METTL25: variants seen among roughly 807,000 people sequenced by gnomAD.
The protein encoded by METTL25 is probable methyltransferase-like protein 25.
Under a neutral mutation model 71.6 loss-of-function variants are expected in METTL25, and 64 were observed. That is an observed-to-expected ratio of 0.89 (90% CI 0.73 to 1.10). METTL25 has a LOEUF of 1.10. METTL25 is among the 50% of genes least tolerant of loss of function. METTL25 has a pLI of 0.00. For synonymous variants in METTL25, 287 were observed against 250.3 expected, an observed-to-expected ratio of 1.15 and a Z score of -1.38; for missense variants, 807 against 707.0, an observed-to-expected ratio of 1.14 and a Z score of -1.60.
intron 1 of METTL25, among the ~76,000 whole-genome samples, chr12:82,373,366 A>G (rs1475727103): frequency 6.6e-6 from 1 of 152,152 alleles, no homozygotes; most frequent in Non-Finnish European, 1.5e-5. Flanking sequence ...AAAATTCAAG[A>G]TAGTCCCTCC....
chr12:82,441,690 T>C (rs1329135685), intron 8 of METTL25, among the ~76,000 whole-genome samples: 1 of 143,750 alleles, frequency 7.0e-6, no homozygotes, highest in Non-Finnish European at 1.5e-5. Flanking sequence ...GAACCACCAA[T>C]AGGCACAGAA....
intron 1 of METTL25, among the ~76,000 whole-genome samples, chr12:82,364,184 C>T (rs528379147): frequency 6.6e-6 from 1 of 152,306 alleles, no homozygotes; most frequent in Non-Finnish European, 1.5e-5. Context: ...TAAGAGGTCA[C>T]AGTCAAGAAG....
At chr12:82,373,594 G>A (rs1883499995) in intron 1 of METTL25, among the ~76,000 whole-genome samples, 1 of 152,198 alleles carries the variant, frequency 6.6e-6, no homozygotes, top group African/African-American at 2.4e-5. Context: ...CAGGAGGCAA[G>A]GGTCAGGATA....
intron 1 of METTL25, among the ~76,000 whole-genome samples, chr12:82,365,793 C>T (rs1002578703): frequency 2.8e-5 from 4 of 143,802 alleles, no homozygotes; most frequent in African/African-American, 9.9e-5. Flanking sequence ...TTAAGAATAT[C>T]TGGCCTCGGC....
chr12:82,380,462 T>C (rs1884331936), intron 1 of METTL25, among the ~76,000 whole-genome samples: 1 of 152,102 alleles, frequency 6.6e-6, no homozygotes, highest in Non-Finnish European at 1.5e-5. Flanking sequence ...GTTAAGTACA[T>C]AATTGTATGT....
At chr12:82,426,603 A>G (rs1302569529) in intron 5 of METTL25, among the ~76,000 whole-genome samples, 1 of 151,994 alleles carries the variant, frequency 6.6e-6, no homozygotes, top group Non-Finnish European at 1.5e-5. Context: ...ATGTGTTCTA[A>G]GGGAGACCGT....
intron 5 of METTL25, among the ~76,000 whole-genome samples, chr12:82,415,419 G>T (rs922337101): frequency 5.3e-5 from 8 of 152,026 alleles, no homozygotes; most frequent in African/African-American, 1.9e-4. Flanking sequence ...TGTAAATCGG[G>T]CTATATATAC....
intron 6 of METTL25, among the ~76,000 whole-genome samples, chr12:82,432,976 A>T (rs569094686): frequency 2.0e-5 from 3 of 151,586 alleles, no homozygotes; most frequent in African/African-American, 7.3e-5. Context: ...GAGCAATATC[A>T]TTAGCATATG....
At chr12:82,467,223 C>G (rs953132969) in intron 9 of METTL25, among the ~76,000 whole-genome samples, 5 of 151,602 alleles carry the variant, frequency 3.3e-5, no homozygotes, top group Non-Finnish European at 7.4e-5. Context: ...TGAATACTTA[C>G]TTCTGGCATT....
At position 82,467,008 on chromosome 12, in the gene METTL25, A is replaced by G. The variant is rs573620047; in HGVS notation, c.1573-9636A>G. ...TGATCTTGGCTCCCAAAGTGCTGAGATAACAGGTGTGGGCTACCACATCTG... is the reference window on the plus strand; with the variant it reads ...TGATCTTGGCTCCCAAAGTGCTGAGGTAACAGGTGTGGGCTACCACATCTG... On this transcript the variant is annotated intron_variant, in intron 9 of 11. Coordinates refer to ENST00000248306, the MANE Select transcript of METTL25 (RefSeq NM_032230.3). Among the ~76,000 whole-genome samples, 182 of 152,110 alleles carry G rather than the reference A, an allele frequency of 1.2e-3. 1 individual carries two copies. The Middle Eastern group carries it at 0.014, about 11-fold the overall frequency.
At chr12:82,426,947 T>C (rs1344826109) in intron 5 of METTL25, among the ~76,000 whole-genome samples, 1 of 151,974 alleles carries the variant, frequency 6.6e-6, no homozygotes. Context: ...AATCCCATCA[T>C]GCCTTTTATC....
chr12:82,441,147 C>G (rs1890293536), intron 8 of METTL25, among the ~76,000 whole-genome samples: 1 of 151,946 alleles, frequency 6.6e-6, no homozygotes, highest in Non-Finnish European at 1.5e-5. Context: ...CTAGAATAGT[C>G]CTGAAATGAG....
At chr12:82,379,886 G>A (rs190590570) in intron 1 of METTL25, among the ~76,000 whole-genome samples, 2 of 152,310 alleles carry the variant, frequency 1.3e-5, no homozygotes, top group African/African-American at 4.8e-5. Flanking sequence ...CTTGCACTCA[G>A]GTTCCAGAGC....
At chr12:82,359,470 T>C (rs1302851465) in intron 1 of METTL25, among the ~76,000 whole-genome samples, 3 of 152,148 alleles carry the variant, frequency 2.0e-5, no homozygotes, top group Admixed American at 2.0e-4. Context: ...CGGAAACCCT[T>C]GGGATTATTT....
At chr12:82,386,543 T>C (rs1212786114) in intron 1 of METTL25, among the ~76,000 whole-genome samples, 2 of 150,342 alleles carry the variant, frequency 1.3e-5, no homozygotes, top group Non-Finnish European at 3.0e-5. Flanking sequence ...TCTCTTTCTT[T>C]CCATAAAAAA....
intron 8 of METTL25, among the ~76,000 whole-genome samples, chr12:82,442,677 C>T (rs932283306): frequency 6.6e-6 from 1 of 152,004 alleles, no homozygotes; most frequent in East Asian, 1.9e-4. Flanking sequence ...ACGTCAGTAT[C>T]CTGAATATTA....
chr12:82,411,982 C>T (rs774569294), intron 5 of METTL25, among the ~76,000 whole-genome samples: 15 of 152,136 alleles, frequency 9.9e-5, no homozygotes, highest in African/African-American at 2.2e-4. Flanking sequence ...CTCTTCCAAA[C>T]GTGCGATCTT....
intron 5 of METTL25, among the ~76,000 whole-genome samples, chr12:82,430,219 G>T (rs112911932): frequency 1.6e-4 from 24 of 150,848 alleles, no homozygotes; most frequent in African/African-American, 5.1e-4. Context: ...GGAACTAATA[G>T]TTCTACATCA....
At chr12:82,370,654 A>T (rs1297287625) in intron 1 of METTL25, among the ~76,000 whole-genome samples, 1 of 151,988 alleles carries the variant, frequency 6.6e-6, no homozygotes, top group Non-Finnish European at 1.5e-5. Context: ...TTTTAAATTT[A>T]CCCTGGTTTT....
Sources: allele counts gnomAD v4.1 joint callset (sites outside exome capture counted in the v4.1 genomes callset), GRCh38; gene constraint gnomAD v4.1.1; transcripts MANE v1.5; gene names NCBI Gene and HGNC (gene_info 2026-07-23, HGNC 2026-07-21).